The following SVIL variants were observed in gnomAD, a reference collection of about 807,000 sequenced individuals.
The protein encoded by SVIL is supervillin.
SVIL carries 101 observed loss-of-function variants against 240.4 expected under a neutral mutation model. The ratio of observed to expected loss-of-function variants is 0.42; its 90% CI spans 0.36 to 0.50. The LOEUF (loss-of-function observed/expected upper bound fraction) is 0.50, where lower values mean the gene tolerates loss of function less well. Among genes scored for constraint, SVIL ranks in the 20% least tolerant of loss-of-function variants. The pLI, the probability that SVIL is intolerant of heterozygous loss-of-function variation, is 0.01. For synonymous variants in SVIL, 999 were observed against 1,100.0 expected (o/e 0.91, Z 1.82); for missense variants, 2,512 against 2,818.7 (o/e 0.89, Z 2.46).
intron 1 of SVIL, among the ~76,000 whole-genome samples, chr10:29,582,674 G>A (rs1316515511): frequency 3.3e-5 from 5 of 151,908 alleles, no homozygotes; most frequent in East Asian, 3.9e-4. Context: ...TGAGGCTGTG[G>A]TGAGCTTTGA....
rs191627908 is a variant in SVIL, at chr10:29,518,684, C to T, written c.3389+3726G>A. 3.1e-3 allele frequency among the ~76,000 whole-genome samples: 472 copies of T among 152,180 alleles called. 7 individuals are homozygous for T. In the South Asian group the frequency reaches 0.045, roughly 15 times the overall value. ...CAGCGTAGCCAACATGGTGAAGCCC[C>T]GCCTCTACTAAAAATGCAAAAATTA... On this transcript the variant is annotated intron_variant, in intron 16 of 37. Coordinates refer to ENST00000355867, the MANE Select transcript of SVIL (RefSeq NM_021738.3).
chr10:29,539,019 G>C (rs1210098809), intron 6 of SVIL, among the ~76,000 whole-genome samples: 1 of 151,974 alleles, frequency 6.6e-6, no homozygotes, highest in Non-Finnish European at 1.5e-5. Flanking sequence ...TAAAAAGTTA[G>C]TGAAGCATGG....
rs772056577 is a variant in SVIL at position 29,550,953 on chromosome 10, T to C, written c.471A>G (p.Glu157=). The C allele has an allele frequency of 1.2e-6, 2 of 1,614,134 alleles. No individual in the cohort carries two copies. Among genetic ancestry groups the C allele is most frequent in the Non-Finnish European group, 1.7e-6 (2 of 1,180,026 alleles). The change falls in exon 6 of 38, where the codon GAA becomes GAG. Residue 157 remains glutamate, a synonymous_variant. Coordinates refer to ENST00000355867, the MANE Select transcript of SVIL (RefSeq NM_021738.3). ...EKRGGKSDKQ[E]ESSRDASSLY... ...GAGAACTAGCATCTCTGCTTGACTC[T>C]TCCTGTTTGTCACTTTTTCCTCCCC...
intron 1 of SVIL, among the ~76,000 whole-genome samples, chr10:29,720,901 T>C (rs7899469): frequency 0.63 from 95,237 of 151,640 alleles, 30,317 homozygotes; most frequent in Non-Finnish European, 0.69. Flanking sequence ...GGCTGGAGTG[T>C]AGTGGTGTGA....
chr10:29,590,387 T>C (rs1475944069), intron 1 of SVIL, among the ~76,000 whole-genome samples: 1 of 152,094 alleles, frequency 6.6e-6, no homozygotes, highest in Non-Finnish European at 1.5e-5. Flanking sequence ...GGTATATATT[T>C]AGTCACTGTC....
intron 2 of SVIL, among the ~76,000 whole-genome samples, chr10:29,682,646 G>A (rs922261596): frequency 1.3e-5 from 2 of 152,166 alleles, no homozygotes; most frequent in Admixed American, 1.3e-4. Context: ...AAGGAAGAAG[G>A]AGAAACATTT....
At chr10:29,696,835 C>A (rs912837705) in intron 1 of SVIL, among the ~76,000 whole-genome samples, 1 of 150,818 alleles carries the variant, frequency 6.6e-6, no homozygotes, top group Admixed American at 6.6e-5. Context: ...CTCAGCCCCC[C>A]GCCCGGCCAA....
intron 21 of SVIL, among the ~76,000 whole-genome samples, chr10:29,492,774 T>G (rs1948092531): frequency 6.6e-6 from 1 of 152,244 alleles, no homozygotes; most frequent in African/African-American, 2.4e-5. Context: ...CATGCCTTAC[T>G]GATTTTCTAG....
At chr10:29,700,565 G>C (rs1323101539) in intron 1 of SVIL, among the ~76,000 whole-genome samples, 2 of 145,414 alleles carry the variant, frequency 1.4e-5, no homozygotes. Context: ...CCGCCTCCCG[G>C]GTTCACACCA....
At chr10:29,503,934 G>C (rs138225615) in intron 17 of SVIL, among the ~76,000 whole-genome samples, 42 of 152,310 alleles carry the variant, frequency 2.8e-4, no homozygotes, top group African/African-American at 5.3e-4. Context: ...ACCAACACCA[G>C]TCAACTTCAA....
At chr10:29,517,380 T>C (rs542858837) in intron 16 of SVIL, among the ~76,000 whole-genome samples, 50 of 152,142 alleles carry the variant, frequency 3.3e-4, no homozygotes, top group African/African-American at 1.1e-3. Context: ...TGAGCTATGA[T>C]CGCACCACTG....
intron 6 of SVIL, chr10:29,545,064 A>G (rs761211016): frequency 9.4e-6 from 5 of 534,678 alleles, no homozygotes; most frequent in South Asian, 7.0e-5. Context: ...CTGCTAGTGG[A>G]CACGAGAGCG....
intron 1 of SVIL, among the ~76,000 whole-genome samples, chr10:29,614,292 C>A (rs1957355469): frequency 6.6e-6 from 1 of 151,852 alleles, no homozygotes; most frequent in African/African-American, 2.4e-5. Flanking sequence ...ACCATTTGAC[C>A]CAGCAATCCC....
rs766680451 is a variant in SVIL, at chr10:29,555,047, T to C, written c.8+4A>G. ...CTTCCTAACTCCCACTATAAAGATC[T>C]TACCTTTTCATTTCTAAGAATTCTT... is the stretch of plus-strand genomic sequence containing the variant. On this transcript the variant is annotated splice_donor_region_variant and intron_variant, in intron 4 of 37. Transcript: ENST00000355867. The C allele has an allele frequency of 1.9e-6, 3 of 1,613,198 alleles. No homozygotes were observed. Among genetic ancestry groups the C allele is most frequent in the Non-Finnish European group, 1.7e-6 (2 of 1,179,770 alleles).
At position 29,486,411 on chromosome 10, in the gene SVIL, T is replaced by C. The variant is rs1294440920; in HGVS notation, c.4632A>G (p.Gln1544=). The change falls in exon 25 of 38, where the codon CAA becomes CAG. Residue 1544 remains glutamine, a splice_region_variant and synonymous_variant. Transcript: ENST00000355867. The part of the protein sequence containing the change: ...WKLLGGQTSY[Q]SAGDPKEDEL... ...CTCTGAAGTACAATGAAGTCTTACA[T>C]TGGTAACTGGTTTGGCCACCCAGAA... 8 of 1,614,126 alleles carry C rather than the reference T, an allele frequency of 5.0e-6. No individual in the cohort carries two copies. Among genetic ancestry groups the C allele is most frequent in the Middle Eastern group, 1.7e-4 (1 of 6,024 alleles).
intron 1 of SVIL, among the ~76,000 whole-genome samples, chr10:29,713,289 T>C (rs1435015984): frequency 6.6e-6 from 1 of 151,554 alleles, no homozygotes; most frequent in African/African-American, 2.4e-5. Flanking sequence ...TGTGTGTGTG[T>C]GCATGTGAAC....
Position 29,522,496 on chromosome 10 carries a change from A to G in SVIL, c.3303T>C (p.Cys1101=), listed in dbSNP as rs77560773. The G allele has an allele frequency of 6.2e-7, 1 of 1,614,194 alleles. No homozygotes were observed. Among genetic ancestry groups the G allele is most frequent in the East Asian group, 2.2e-5 (1 of 44,888 alleles). ...TGATCTCTCCAGCAGCAAACATCGC[A>G]CATGGATTCTTGCAGAGCTTCTCCT... The part of the protein sequence containing the change: ...QPQEKLCKNP[C]AMFAAGEIKT... The change falls in exon 16 of 38, where the codon TGT becomes TGC. Residue 1101 remains cysteine (C), a synonymous_variant. Coordinates refer to ENST00000355867, the MANE Select transcript of SVIL (RefSeq NM_021738.3).
chr10:29,458,209 T>C lies in SVIL; in HGVS notation c.*38A>G, dbSNP rs775840699. On this transcript the variant is annotated 3_prime_UTR_variant, in exon 38 of 38. Coordinates refer to ENST00000355867, the MANE Select transcript of SVIL (RefSeq NM_021738.3). ...CCATTTCCCTGGTGCAGTGGTGTTG[T>C]TGGACGTGACCGTGAGGCTCCTCTG... 14 of 1,600,370 alleles carry C rather than the reference T, an allele frequency of 8.7e-6. No homozygotes were observed. The highest frequency in any genetic ancestry group is 1.1e-5 in the Non-Finnish European group (13 of 1,169,016).
At chr10:29,632,720 C>T (rs1314896321) in intron 1 of SVIL, among the ~76,000 whole-genome samples, 1 of 152,114 alleles carries the variant, frequency 6.6e-6, no homozygotes. Context: ...ATGCATGTGG[C>T]AAAATTAAAT....
Sources: allele counts gnomAD v4.1 joint callset (sites outside exome capture counted in the v4.1 genomes callset), GRCh38; gene constraint gnomAD v4.1.1; transcripts MANE v1.5; gene names NCBI Gene and HGNC (gene_info 2026-07-23, HGNC 2026-07-21).